Variants in MIPOL1 observed in about 807,000 individuals in gnomAD.
MIPOL1 encodes mirror-image polydactyly 1.
Under a neutral mutation model 60.9 loss-of-function variants are expected in MIPOL1, and 57 were observed. That is an observed-to-expected ratio of 0.94 (90% CI 0.76 to 1.17). The LOEUF (loss-of-function observed/expected upper bound fraction) is 1.17, where lower values mean the gene tolerates loss of function less well. Ranked by LOEUF, MIPOL1 falls within the 50% of genes most tolerant of loss-of-function variation. MIPOL1 has a pLI of 0.00. For missense variants in MIPOL1, 551 were observed against 511.6 expected (o/e 1.08, Z -0.74); for synonymous variants, 179 against 168.8 (o/e 1.06, Z -0.47).
chr14:37,516,490 A>G (rs1343936051), intron 12 of MIPOL1, among the ~76,000 whole-genome samples: 1 of 152,212 alleles, frequency 6.6e-6, no homozygotes, highest in Non-Finnish European at 1.5e-5. Flanking sequence ...TAGGATAAAT[A>G]TATGTTGCCA....
chr14:37,535,213 T>TTAC (rs1219948546), intron 12 of MIPOL1, among the ~76,000 whole-genome samples: 2 of 152,172 alleles, frequency 1.3e-5, no homozygotes, highest in Non-Finnish European at 2.9e-5. Context: ...ACCTAAAAGA[T>TTAC]AGTAGTTAGT....
intron 12 of MIPOL1, among the ~76,000 whole-genome samples, chr14:37,538,375 T>G (rs985882588): frequency 2.0e-5 from 3 of 152,208 alleles, no homozygotes; most frequent in African/African-American, 7.2e-5. Flanking sequence ...AGCTTTTCTC[T>G]ATACTTTATC....
intron 12 of MIPOL1, among the ~76,000 whole-genome samples, chr14:37,522,476 C>T (rs2095420614): frequency 6.6e-6 from 1 of 152,126 alleles, no homozygotes; most frequent in African/African-American, 2.4e-5. Context: ...ATATCGTTCT[C>T]TTATGCCAAC....
At chr14:37,253,344 A>G (rs1176535231) in intron 3 of MIPOL1, among the ~76,000 whole-genome samples, 1 of 151,706 alleles carries the variant, frequency 6.6e-6, no homozygotes, top group African/African-American at 2.4e-5. Context: ...CTTTTATATG[A>G]AATAGAGAGA....
At chr14:37,296,235 A>G (rs1271636577) in intron 7 of MIPOL1, among the ~76,000 whole-genome samples, 1 of 152,240 alleles carries the variant, frequency 6.6e-6, no homozygotes, top group East Asian at 1.9e-4. Context: ...AGGCAGAAAT[A>G]AAGATGTTCT....
rs757235582 is a variant in MIPOL1 at position 37,500,094 on chromosome 14, A to C, written c.1218A>C (p.Gln406His). 1.2e-6 allele frequency: 2 copies of C among 1,613,800 alleles called. No individual in the cohort carries two copies. Among genetic ancestry groups the C allele is most frequent in the South Asian group, 2.2e-5 (2 of 91,064 alleles). The change falls in exon 12 of 13, where the codon CAA (glutamine) becomes CAC (histidine). Residue 406 changes from glutamine (Q) to histidine (H), a missense_variant. Physicochemically the swap from Gln to His is conservative, Grantham distance 24. Coordinates refer to ENST00000684589, the MANE Select transcript of MIPOL1 (RefSeq NM_001388067.1). ...GAGCAAATATGGAATTACAACTTCAACATGCCAGAGAGGCCTCCCAAGTGG... is the reference window on the plus strand; with the variant it reads ...GAGCAAATATGGAATTACAACTTCACCATGCCAGAGAGGCCTCCCAAGTGG... ...TERANMELQL[Q>H]HAREASQVAN...
intron 3 of MIPOL1, among the ~76,000 whole-genome samples, chr14:37,254,923 T>C (rs1340955894): frequency 6.6e-6 from 1 of 151,804 alleles, no homozygotes; most frequent in East Asian, 1.9e-4. Context: ...GTTAAGGAAA[T>C]ACAAACTCTA....
chr14:37,371,511 T>C (rs1300593503), intron 10 of MIPOL1, among the ~76,000 whole-genome samples: 2 of 152,074 alleles, frequency 1.3e-5, no homozygotes, highest in African/African-American at 4.8e-5. Context: ...ATTTTTCTGT[T>C]GTCTTTTAAT....
chr14:37,339,144 G>A (rs746844841), intron 9 of MIPOL1, among the ~76,000 whole-genome samples: 12 of 152,022 alleles, frequency 7.9e-5, no homozygotes, highest in Admixed American at 4.6e-4. Flanking sequence ...AAAAAGATAC[G>A]CAAACAAAGA....
intron 11 of MIPOL1, among the ~76,000 whole-genome samples, chr14:37,445,770 A>G (rs975318205): frequency 3.3e-5 from 5 of 152,134 alleles, no homozygotes; most frequent in African/African-American, 9.7e-5. Context: ...ATAACACCGC[A>G]TATCTACAAC....
At chr14:37,449,888 C>A (rs1169122195) in intron 11 of MIPOL1, among the ~76,000 whole-genome samples, 2 of 152,132 alleles carry the variant, frequency 1.3e-5, no homozygotes, top group East Asian at 3.8e-4. Context: ...TCTCAGCTCA[C>A]TGCAACCTTT....
chr14:37,481,339 A>C (rs1476347299), intron 11 of MIPOL1, among the ~76,000 whole-genome samples: 3 of 152,134 alleles, frequency 2.0e-5, no homozygotes, highest in Non-Finnish European at 4.4e-5. Context: ...AGACCTGCAC[A>C]ATGAAAACTC....
intron 11 of MIPOL1, among the ~76,000 whole-genome samples, chr14:37,431,312 T>A (rs911099987): frequency 1.3e-5 from 2 of 152,046 alleles, no homozygotes; most frequent in African/African-American, 4.8e-5. Flanking sequence ...TTTGCTAGAT[T>A]TTTCCTTGCA....
chr14:37,538,408 T>G lies in MIPOL1; in HGVS notation c.1263-8497T>G, dbSNP rs1239487837. On this transcript the variant is annotated intron_variant, in intron 12 of 12. Coordinates refer to ENST00000684589, the MANE Select transcript of MIPOL1 (RefSeq NM_001388067.1). ...ATCTTTGGTTCTTTCCCAGTCAACA[T>G]TTTTCTGAAGACCTAAGTTAAAAAC... 5.3e-5 allele frequency among the ~76,000 whole-genome samples: 8 copies of G among 152,170 alleles called. No individual in the cohort carries two copies. In the East Asian group the frequency reaches 1.5e-3, roughly 29 times the overall value.
At chr14:37,467,972 T>G (rs1299510431) in intron 11 of MIPOL1, among the ~76,000 whole-genome samples, 2 of 150,922 alleles carry the variant, frequency 1.3e-5, no homozygotes, top group Non-Finnish European at 2.9e-5. Flanking sequence ...GAGAATCACT[T>G]CAACCCGGCA....
At chr14:37,279,609 G>A in intron 6 of MIPOL1, among the ~76,000 whole-genome samples, 1 of 151,824 alleles carries the variant, frequency 6.6e-6, no homozygotes. Flanking sequence ...TTGGTTTTGA[G>A]GGTTTTTTTG....
chr14:37,290,585 C>T (rs1481212578), intron 7 of MIPOL1, among the ~76,000 whole-genome samples: 3 of 152,056 alleles, frequency 2.0e-5, no homozygotes, highest in Non-Finnish European at 4.4e-5. Context: ...ATCCTTTATT[C>T]TTAAAGTAGG....
intron 12 of MIPOL1, among the ~76,000 whole-genome samples, chr14:37,509,811 A>C (rs373921971): frequency 1.3e-5 from 2 of 151,676 alleles, no homozygotes; most frequent in South Asian, 4.2e-4. Context: ...ACTTATGTAT[A>C]AGCTATATAT....
chr14:37,504,579 C>G (rs1439536436), intron 12 of MIPOL1: 4 of 152,074 alleles, frequency 2.6e-5, no homozygotes, highest in African/African-American at 9.7e-5. Context: ...ACACAACATA[C>G]CAGAATCTCT....
Sources: allele counts gnomAD v4.1 joint callset (sites outside exome capture counted in the v4.1 genomes callset), GRCh38; gene constraint gnomAD v4.1.1; transcripts MANE v1.5; gene names NCBI Gene and HGNC (gene_info 2026-07-23, HGNC 2026-07-21).